EYA1: variants seen among roughly 807,000 people sequenced by gnomAD.
EYA1 encodes the protein protein phosphatase EYA1.
A neutral mutation model predicts 82.0 loss-of-function variants in EYA1; 16 were observed. The observed-to-expected ratio is 0.20, with a 90% CI of 0.13 to 0.30. The LOEUF (loss-of-function observed/expected upper bound fraction) is 0.30, where lower values mean the gene tolerates loss of function less well. Among genes scored for constraint, EYA1 ranks in the 10% least tolerant of loss-of-function variants. The probability of loss-of-function intolerance (pLI) is 1.00; values close to 1 mark genes in which losing one functional copy is unlikely to be tolerated. For synonymous variants in EYA1, 261 were observed against 264.4 expected (o/e 0.99, Z 0.12); for missense variants, 633 against 730.7 (o/e 0.87, Z 1.54).
At chr8:71,293,995 C>CA (rs1487453084) in intron 9 of EYA1, among the ~76,000 whole-genome samples, 2 of 148,656 alleles carry the variant, frequency 1.3e-5, no homozygotes, top group East Asian at 2.0e-4. Flanking sequence ...TCTTTTTTCA[C>CA]AAAAAACATG....
chr8:71,531,781 G>C (rs1275276513), intron 2 of EYA1, among the ~76,000 whole-genome samples: 1 of 152,136 alleles, frequency 6.6e-6, no homozygotes, highest in Non-Finnish European at 1.5e-5. Context: ...GAGTGGCCAA[G>C]ATCATGACAG....
chr8:71,360,677 G>A (rs1238087794), intron 1 of EYA1, among the ~76,000 whole-genome samples: 1 of 152,124 alleles, frequency 6.6e-6, no homozygotes, highest in East Asian at 1.9e-4. Context: ...CCAGACTGTG[G>A]GGGAAAAGAC....
At chr8:71,225,393 G>A in intron 12 of EYA1, 1 of 437,922 alleles carries the variant, frequency 2.3e-6, no homozygotes, top group Non-Finnish European at 4.6e-6. Context: ...GGTACACCTG[G>A]TGACCTCCTA....
At chr8:71,307,414 C>T (rs999065487) in intron 7 of EYA1, among the ~76,000 whole-genome samples, 1 of 152,148 alleles carries the variant, frequency 6.6e-6, no homozygotes, top group Non-Finnish European at 1.5e-5. Context: ...AAGCGACTCT[C>T]GTGCCTCAGC....
At chr8:71,233,857 T>G (rs1279023947) in intron 12 of EYA1, among the ~76,000 whole-genome samples, 1 of 152,160 alleles carries the variant, frequency 6.6e-6, no homozygotes, top group African/African-American at 2.4e-5. Flanking sequence ...TTAGAAAAAT[T>G]TGAAAATAAG....
At chr8:71,446,085 T>C (rs1806854048) in intron 2 of EYA1, among the ~76,000 whole-genome samples, 1 of 152,200 alleles carries the variant, frequency 6.6e-6, no homozygotes, top group Non-Finnish European at 1.5e-5. Flanking sequence ...CCTTCAGAAC[T>C]GTATGAAACA....
chr8:71,361,814 G>A lies in EYA1; in HGVS notation c.-222C>T. ...CTGGGAGTGGAGCGCCTCTGCAGGG[G>A]AAAGCTCGGCGCAGGGGGCAGGCGC... On this transcript the variant is annotated 5_prime_UTR_variant, in exon 1 of 18. Coordinates refer to ENST00000340726, the MANE Select transcript of EYA1 (RefSeq NM_000503.6). The A allele has an allele frequency of 1.7e-5, 17 of 985,498 alleles. No homozygotes were observed. The highest frequency in any genetic ancestry group is 4.7e-5 in the South Asian group (1 of 21,294). 61.0% of individuals were successfully genotyped at this position (985,498 alleles called of 1,614,324 possible).
intron 2 of EYA1, among the ~76,000 whole-genome samples, chr8:71,484,383 TA>T (rs1810402070): frequency 6.6e-6 from 1 of 152,210 alleles, no homozygotes; most frequent in African/African-American, 2.4e-5. Flanking sequence ...ACACAAATTC[TA>T]AAGTGGCAGG....
intron 11 of EYA1, among the ~76,000 whole-genome samples, chr8:71,265,190 C>T (rs1020028518): frequency 1.3e-5 from 2 of 151,976 alleles, no homozygotes; most frequent in Non-Finnish European, 2.9e-5. Context: ...AGTGAAGCTT[C>T]ACCTACTTTC....
intron 2 of EYA1, among the ~76,000 whole-genome samples, chr8:71,406,383 A>C (rs962145815): frequency 3.3e-5 from 5 of 152,226 alleles, no homozygotes; most frequent in Non-Finnish European, 7.3e-5. Flanking sequence ...AAGATGGCCG[A>C]ATAGGAACAG....
chr8:71,478,454 A>C (rs765641630), intron 2 of EYA1, among the ~76,000 whole-genome samples: 2 of 152,190 alleles, frequency 1.3e-5, no homozygotes, highest in Non-Finnish European at 2.9e-5. Flanking sequence ...TAGTATGTTC[A>C]TGCTTTCTTT....
chr8:71,367,251 T>C (rs1354057827), intron 2 of EYA1, among the ~76,000 whole-genome samples: 2 of 152,176 alleles, frequency 1.3e-5, no homozygotes, highest in Non-Finnish European at 1.5e-5. Context: ...GTTATATCAA[T>C]TTCTTACATT....
intron 2 of EYA1, among the ~76,000 whole-genome samples, chr8:71,406,501 A>G (rs569261991): frequency 2.0e-5 from 3 of 152,314 alleles, no homozygotes; most frequent in African/African-American, 7.2e-5. Context: ...CAGTGGGCGC[A>G]GGCCAGTGGG....
intron 2 of EYA1, among the ~76,000 whole-genome samples, chr8:71,428,142 A>G (rs910998473): frequency 1.3e-5 from 2 of 152,136 alleles, no homozygotes; most frequent in African/African-American, 4.8e-5. Flanking sequence ...AGAAAGTATT[A>G]CTGATTGATG....
upstream of EYA1, among the ~76,000 whole-genome samples, chr8:71,364,290 A>G (rs1827615382): frequency 6.6e-6 from 1 of 151,904 alleles, no homozygotes; most frequent in South Asian, 2.1e-4. Flanking sequence ...TGGATTAAAA[A>G]CAATCACGTT....
chr8:71,547,237 T>G (rs573400516), intron 1 of EYA1, among the ~76,000 whole-genome samples: 2 of 152,284 alleles, frequency 1.3e-5, no homozygotes, highest in Non-Finnish European at 2.9e-5. Flanking sequence ...TGGGCTGCCC[T>G]CCAGATGTTT....
rs539316057 is a variant in EYA1, at chr8:71,282,204, C to A, written c.827-10307G>T. The stretch of plus-strand genomic sequence containing the variant: ...CAACCCCTCCTTTTGGCATGAGACT[C>A]CAGTGCCCTGTCACTGATTCCAGTC... On this transcript the variant is annotated intron_variant, in intron 9 of 17. Coordinates refer to ENST00000340726, the MANE Select transcript of EYA1 (RefSeq NM_000503.6). Among the ~76,000 whole-genome samples, 27 of 152,302 alleles carry A rather than the reference C, an allele frequency of 1.8e-4. No homozygotes were observed. In the South Asian group the frequency reaches 5.6e-3, roughly 32 times the overall value.
chr8:71,321,201 G>A (rs912868318), intron 6 of EYA1, among the ~76,000 whole-genome samples: 6 of 152,120 alleles, frequency 3.9e-5, no homozygotes, highest in African/African-American at 1.2e-4. Flanking sequence ...AGCCTTAAAT[G>A]TTTCCCGATT....
intron 2 of EYA1, among the ~76,000 whole-genome samples, chr8:71,395,088 C>T (rs371352512): frequency 6.2e-4 from 94 of 152,138 alleles, no homozygotes; most frequent in African/African-American, 2.2e-3. Context: ...ATTTGGTTCT[C>T]TGTTGTCTGT....
Sources: allele counts gnomAD v4.1 joint callset (sites outside exome capture counted in the v4.1 genomes callset), GRCh38; gene constraint gnomAD v4.1.1; transcripts MANE v1.5; gene names NCBI Gene and HGNC (gene_info 2026-07-23, HGNC 2026-07-21).